Variants in FAM204A observed in about 807,000 individuals in gnomAD.
FAM204A encodes the protein protein FAM204A.
In FAM204A, 16 loss-of-function variants were observed where a neutral mutation model predicts 35.4. The observed-to-expected ratio is 0.45, with a 90% confidence interval of 0.31 to 0.69. The LOEUF (loss-of-function observed/expected upper bound fraction) is 0.69. Among genes scored for constraint, FAM204A ranks in the 30% least tolerant of loss-of-function variants. The pLI is 0.07. For missense variants in FAM204A, 240 were observed against 265.7 expected (o/e 0.90, Z 0.67); for synonymous variants, 76 against 86.9 (o/e 0.88, Z 0.70).
intron 2 of FAM204A, among the ~76,000 whole-genome samples, chr10:118,339,826 C>T (rs1299985698): frequency 6.6e-6 from 1 of 152,174 alleles, no homozygotes; most frequent in Non-Finnish European, 1.5e-5. Context: ...GTGTACTATG[C>T]AGAACACATC....
At position 118,310,765 on chromosome 10, in the gene FAM204A, T is replaced by C; in HGVS notation, c.*92A>G. On this transcript the variant is annotated 3_prime_UTR_variant, in exon 9 of 9. Transcript: ENST00000369183. ...TTTATGCTTATTTTTGTTTTAGTGC[T>C]ATCAATTTTCTGACATATTAACATA... is the stretch of plus-strand genomic sequence containing the variant. 1.9e-6 allele frequency: 2 copies of C among 1,066,758 alleles called. No individual in the cohort carries two copies. Among genetic ancestry groups the C allele is most frequent in the African/African-American group, 1.6e-5 (1 of 62,292 alleles). 66.1% of individuals were successfully genotyped at this position (1,066,758 alleles called of 1,614,324 possible). A position where few individuals can be genotyped will look rare whatever the true frequency, so the allele number is the denominator to read the frequency against.
At chr10:118,342,212 A>C (rs1846498940) in intron 1 of FAM204A, 58 bp downstream of exon 1, 2 of 152,326 alleles carry the variant, frequency 1.3e-5, no homozygotes, top group African/African-American at 2.4e-5. Context: ...GCCCTCCCAG[A>C]CTCATCATGC....
At position 118,301,809 on chromosome 10, in the gene FAM204A, TA is replaced by T. The variant is rs1261657532; in HGVS notation, c.*9047del. On this transcript the variant is annotated 3_prime_UTR_variant, in exon 9 of 9. Transcript: ENST00000369183. ...AGGAGAACCCAAGGTACAGAGAGAT[TA>T]AGTAGCCTGCCGGAGGTTACACAGC... is the stretch of plus-strand genomic sequence containing the variant. 1.3e-5 allele frequency: 2 copies of T among 152,222 alleles called. No individual in the cohort carries two copies. The highest frequency in any genetic ancestry group is 1.3e-4 in the Admixed American group (2 of 15,286). 9.4% of individuals were successfully genotyped at this position (152,222 alleles called of 1,614,324 possible).
chr10:118,313,978 C>T (rs1054593746), intron 7 of FAM204A, among the ~76,000 whole-genome samples: 4 of 152,128 alleles, frequency 2.6e-5, no homozygotes, highest in African/African-American at 9.7e-5. Flanking sequence ...CTCTTCACCT[C>T]GACATGTCAT....
intron 7 of FAM204A, among the ~76,000 whole-genome samples, chr10:118,324,111 T>C (rs1440643821): frequency 7.2e-5 from 11 of 152,102 alleles, no homozygotes. Flanking sequence ...TACCTTTCTA[T>C]TCCAAAATAG....
At position 118,310,914 on chromosome 10, in the gene FAM204A, A is replaced by C; in HGVS notation, c.651-6T>G. ...ATCTCTTCTTTGCTTCAAACCTAAA[A>C]GGAAGAACATACAAATCTCAATTTA... On this transcript the variant is annotated splice_polypyrimidine_tract_variant and splice_region_variant and intron_variant, in intron 8 of 8. Coordinates refer to ENST00000369183, the MANE Select transcript of FAM204A (RefSeq NM_022063.3). The C allele has an allele frequency of 1.3e-6, 2 of 1,587,604 alleles. No homozygotes were observed. Among genetic ancestry groups the C allele is most frequent in the Non-Finnish European group, 1.7e-6 (2 of 1,167,144 alleles).
rs1554874921 is a variant in FAM204A, at chr10:118,331,864, T to TAA, written c.453+3248_453+3249dup. The stretch of plus-strand genomic sequence containing the variant: ...ACCTTTATATATATATATATATATA[T>TAA]AATCATACCCACTTAAAATCAATTG... On this transcript the variant is annotated intron_variant, in intron 6 of 8. Transcript: ENST00000369183. Among the ~76,000 whole-genome samples, 1,245 of 148,600 alleles carry TAA rather than the reference T, an allele frequency of 8.4e-3. 5 individuals are homozygous for TAA. Among genetic ancestry groups the TAA allele is most frequent in the South Asian group, 0.027 (128 of 4,744 alleles).
intron 6 of FAM204A, among the ~76,000 whole-genome samples, chr10:118,330,999 ATAG>A (rs1228364892): frequency 6.6e-6 from 1 of 152,224 alleles, no homozygotes; most frequent in African/African-American, 2.4e-5. Flanking sequence ...TTTTTAGAAT[ATAG>A]TAGTCATTCA....
chr10:118,313,631 G>T (rs853910), intron 7 of FAM204A, among the ~76,000 whole-genome samples: 1 of 152,026 alleles, frequency 6.6e-6, no homozygotes, highest in African/African-American at 2.4e-5. Flanking sequence ...TCGCCAAAAC[G>T]TAAAACAGAA....
In FAM204A at chr10:118,322,555, T is replaced by A. The variant is rs1846134929; in HGVS notation, c.543+3599A>T. On this transcript the variant is annotated intron_variant, in intron 7 of 8. Transcript: ENST00000369183. ...AGAAAAACTGAGGAACCATTCCAGATTAAAAAAACTAAAGAAACATGACGA... is the reference window on the plus strand; with the variant it reads ...AGAAAAACTGAGGAACCATTCCAGAATAAAAAAACTAAAGAAACATGACGA... 5 of 227,226 alleles carry A rather than the reference T, an allele frequency of 2.2e-5. No individual in the cohort carries two copies. The South Asian group carries it at 2.6e-4, about 12-fold the overall frequency. The allele number at this position is 227,226 out of a possible 1,614,324, so 14.1% of individuals were successfully genotyped here.
rs2133263623 is a variant in FAM204A, at chr10:118,311,389, AT to A, written c.544-77del. 1.8e-5 allele frequency: 21 copies of A among 1,168,230 alleles called. No homozygotes were observed. The South Asian group carries it at 3.0e-4, about 17-fold the overall frequency. 72.4% of individuals were successfully genotyped at this position (1,168,230 alleles called of 1,614,324 possible). On this transcript the variant is annotated intron_variant, in intron 7 of 8. Transcript: ENST00000369183. ...TACAGTAATTACACTTATACAAATA[AT>A]TGAGAACTTGTGGGTAAGAAAGCCA...
At chr10:118,326,619 A>G (rs1846201695) in intron 6 of FAM204A, among the ~76,000 whole-genome samples, 1 of 152,298 alleles carries the variant, frequency 6.6e-6, no homozygotes, top group South Asian at 2.1e-4. Flanking sequence ...TCTTATAACA[A>G]CTCCATGAAT....
At position 118,311,221 on chromosome 10, in the gene FAM204A, C is replaced by T. The variant is rs1314571116; in HGVS notation, c.636G>A (p.Lys212=). 4 of 1,609,658 alleles carry T rather than the reference C, an allele frequency of 2.5e-6. No homozygotes were observed. The South Asian group carries it at 3.3e-5, about 13-fold the overall frequency. ...VENSQAARKK[K]KLAWGFEAKK... ...AGTAAACTCACCCCCATGCAAGTTT[C>T]TTCTTTTTTCGGGCAGCCTGTGAAT... The change falls in exon 8 of 9, where the codon AAG becomes AAA. Residue 212 remains lysine (K), a synonymous_variant. Transcript: ENST00000369183.
chr10:118,324,254 T>C (rs1219612155), intron 7 of FAM204A, among the ~76,000 whole-genome samples: 1 of 152,134 alleles, frequency 6.6e-6, no homozygotes, highest in South Asian at 2.1e-4. Flanking sequence ...GAGAACTGTA[T>C]CTTACAAGAA....
intron 2 of FAM204A, among the ~76,000 whole-genome samples, chr10:118,338,368 A>C (rs1846420478): frequency 6.6e-6 from 1 of 152,252 alleles, no homozygotes; most frequent in Non-Finnish European, 1.5e-5. Context: ...TCTGAGAGCA[A>C]GGGGAAGGAA....
intron 2 of FAM204A, among the ~76,000 whole-genome samples, chr10:118,339,001 T>G (rs1846430476): frequency 6.6e-6 from 1 of 152,220 alleles, no homozygotes. Flanking sequence ...CTGCCTGGTA[T>G]GATAATTTCT....
At chr10:118,313,883 ACATGGCTGTCCTGGT>A (rs1845990602) in intron 7 of FAM204A, among the ~76,000 whole-genome samples, 1 of 152,168 alleles carries the variant, frequency 6.6e-6, no homozygotes, top group Admixed American at 6.5e-5. Flanking sequence ...GAATTTCCCA[ACATGGCTGTCCTGGT>A]TAGGACAGCC....
Position 118,336,318 on chromosome 10 carries a change from T to C in FAM204A, c.98A>G (p.Gln33Arg). ...GATGCTCTCATCCTCTTTATCTTCCTGTAAGTTAAGTCCAGAGTTCTCCAA... is the reference window on the plus strand; with the variant it reads ...GATGCTCTCATCCTCTTTATCTTCCCGTAAGTTAAGTCCAGAGTTCTCCAA... Reference protein sequence around the residue: ...ATLENSGLNLQEDKEDESIRK... With the variant: ...ATLENSGLNLREDKEDESIRK... Residue 33 changes from glutamine to arginine, a missense_variant, in exon 3 of 9, where the codon CAG (glutamine) becomes CGG (arginine). Transcript: ENST00000369183. 6.2e-7 allele frequency: 1 copy of C among 1,614,032 alleles called. No individual in the cohort carries two copies. The highest frequency in any genetic ancestry group is 1.3e-5 in the African/African-American group (1 of 75,050).
rs957303852 is a variant in FAM204A at position 118,306,738 on chromosome 10, G to A, written c.*4119C>T. On this transcript the variant is annotated 3_prime_UTR_variant, in exon 9 of 9. Transcript: ENST00000369183. ...AGAGACAACACACCTCATTTTAACAGTAGCACAAAATGGTTCAATGCCTTT... is the reference window on the plus strand; with the variant it reads ...AGAGACAACACACCTCATTTTAACAATAGCACAAAATGGTTCAATGCCTTT... The A allele has an allele frequency of 6.6e-6, 1 of 152,222 alleles. No individual in the cohort carries two copies. The highest frequency in any genetic ancestry group is 1.5e-5 in the Non-Finnish European group (1 of 68,042). The allele number at this position is 152,222 out of a possible 1,614,324, so 9.4% of individuals were successfully genotyped here. A position where few individuals can be genotyped will look rare whatever the true frequency, so the allele number is the denominator to read the frequency against.
Sources: gnomAD v4.1 joint callset for allele counts (sites outside exome capture counted in the v4.1 genomes callset) on GRCh38, gnomAD v4.1.1 for gene constraint, MANE v1.5 for transcripts, NCBI Gene and HGNC (gene_info 2026-07-23, HGNC 2026-07-21) for gene names.